The following ZNF484 variants were observed in gnomAD, a reference collection of about 807,000 sequenced individuals.
ZNF484 encodes KRAB box containing C2H2 type zinc finger bA526D8.4.
Under a neutral mutation model 12.9 loss-of-function variants are expected in ZNF484, and 11 were observed. That is an observed-to-expected ratio of 0.85 (90% CI 0.54 to 1.41). The LOEUF (loss-of-function observed/expected upper bound fraction) is 1.41. ZNF484 is among the 40% of genes most tolerant of loss of function. The pLI, the probability that ZNF484 is intolerant of heterozygous loss-of-function variation, is 0.00. For missense variants in ZNF484, 807 were observed against 1,007.7 expected (o/e 0.80, Z 2.70); for synonymous variants, 289 against 334.1 (o/e 0.86, Z 1.47).
At position 92,848,413 on chromosome 9, in the gene ZNF484, G is replaced by C. The variant is rs750956531; in HGVS notation, c.374C>G (p.Thr125Arg). The C allele has an allele frequency of 1.2e-6, 2 of 1,613,958 alleles. No individual in the cohort carries two copies. Among genetic ancestry groups the C allele is most frequent in the Non-Finnish European group, 1.7e-6 (2 of 1,180,010 alleles). ...GTTCTGGTTTTCTCCACATTTTCTTGTGTGTTCATCGTCTTTCCACAATTC... is the reference window on the plus strand; with the variant it reads ...GTTCTGGTTTTCTCCACATTTTCTTCTGTGTTCATCGTCTTTCCACAATTC... Reference protein sequence around the residue: ...LEELWKDDEHTRKCGENQNKP... With the variant: ...LEELWKDDEHRRKCGENQNKP... The change falls in exon 5 of 5, where the codon ACA becomes AGA. Residue 125 changes from threonine (T) to arginine (R), a missense_variant. Coordinates refer to ENST00000375495, the MANE Select transcript of ZNF484 (RefSeq NM_031486.4). The surrounding 1 kb of genome is among the most constrained non-coding windows in gnomAD (Gnocchi z 4.1).
At chr9:92,850,116 A>AAAAAC (rs1855979967) in intron 4 of ZNF484, among the ~76,000 whole-genome samples, 3 of 152,200 alleles carry the variant, frequency 2.0e-5, no homozygotes, top group African/African-American at 7.2e-5. Flanking sequence ...CCTGTCTCTT[A>AAAAAC]AAAACAAAAA....
At chr9:92,877,513 T>C (rs1362853678) in intron 1 of ZNF484, among the ~76,000 whole-genome samples, 1 of 152,136 alleles carries the variant, frequency 6.6e-6, no homozygotes, top group Non-Finnish European at 1.5e-5. Flanking sequence ...ATCATTATAA[T>C]GAAACAGAAA....
rs374561386 is a variant in ZNF484 at position 92,855,947 on chromosome 9, C to T, written c.143-44G>A. On this transcript the variant is annotated intron_variant, in intron 3 of 4. Coordinates refer to ENST00000375495, the MANE Select transcript of ZNF484 (RefSeq NM_031486.4). ...AGAGGACTTGATTTCAGAGGCCATA[C>T]AATGAAGCATTCCATTTTTTTCCCA... is the stretch of plus-strand genomic sequence containing the variant. 6.1e-4 allele frequency: 972 copies of T among 1,596,870 alleles called. 7 individuals are homozygous for T. The Middle Eastern group carries it at 0.01, about 17-fold the overall frequency.
In ZNF484 at chr9:92,855,895, C is replaced by T; in HGVS notation, c.151G>A (p.Val51Ile). The T allele has an allele frequency of 6.2e-7, 1 of 1,614,108 alleles. No homozygotes were observed. Among genetic ancestry groups the T allele is most frequent in the Non-Finnish European group, 8.5e-7 (1 of 1,180,000 alleles). The part of the protein sequence containing the change: ...YFNLISVGCQ[V>I]PKPEVIFSLE... ...CTGAAGATGACTTCTGGTTTGGGAA[C>T]TTGACATCCTGTTAACAGGGGATGA... The change falls in exon 4 of 5, where the codon GTT becomes ATT. Residue 51 changes from valine (V) to isoleucine (I), a missense_variant. By Grantham distance (29) the Val-to-Ile change is conservative. Transcript: ENST00000375495.
Position 92,847,634 on chromosome 9 carries a change from C to A in ZNF484, c.1153G>T (p.Glu385Ter). 1 of 1,613,860 alleles carries A rather than the reference C, an allele frequency of 6.2e-7. No individual in the cohort carries two copies. Among genetic ancestry groups the A allele is most frequent in the South Asian group, 1.1e-5 (1 of 90,996 alleles). ...AAAGCTTTTCCACATTCAGTACATTCAAAGTGTTTCCCTCCAGTATGAATT... is the reference window on the plus strand; with the variant it reads ...AAAGCTTTTCCACATTCAGTACATTAAAAGTGTTTCCCTCCAGTATGAATT... Reference protein sequence around the residue: ...KKIHTGGKHFECTECGKAFTR... With the variant: ...KKIHTGGKHF Residue 385 changes from glutamate to a stop codon, truncating the protein, a stop_gained, in exon 5 of 5, where the codon GAA becomes TAA. Transcript: ENST00000375495. LOFTEE classifies it low-confidence loss of function (END_TRUNC).
chr9:92,854,392 G>A (rs1856303270), intron 4 of ZNF484, among the ~76,000 whole-genome samples: 1 of 152,108 alleles, frequency 6.6e-6, no homozygotes, highest in South Asian at 2.1e-4. Context: ...TATGCCCAAT[G>A]ATAAAGCAAT....
At chr9:92,852,630 G>T (rs1173306310) in intron 4 of ZNF484, among the ~76,000 whole-genome samples, 3 of 145,682 alleles carry the variant, frequency 2.1e-5, no homozygotes, top group Non-Finnish European at 3.0e-5. Flanking sequence ...TCCACCTCCT[G>T]GGATCAAGTG....
rs921912992 is a variant in ZNF484, at chr9:92,849,000, G to A, written c.236-449C>T. Among the ~76,000 whole-genome samples the A allele has an allele frequency of 5.3e-5, 8 of 151,812 alleles. No individual in the cohort carries two copies. The highest frequency in any genetic ancestry group is 1.7e-4 in the African/African-American group (7 of 41,342). On this transcript the variant is annotated intron_variant, in intron 4 of 4. Transcript: ENST00000375495. The surrounding 1 kb of genome is among the most constrained non-coding windows in gnomAD (Gnocchi z 4.1). ...ATTCAGGCCGGGTGTGGTGGCTCAC[G>A]CCTGTAAGCCCAGCACTTTGGGAGG...
chr9:92,854,333 A>C (rs1042501039), intron 4 of ZNF484, among the ~76,000 whole-genome samples: 2 of 152,212 alleles, frequency 1.3e-5, no homozygotes, highest in Non-Finnish European at 2.9e-5. Context: ...AGAGTGACAC[A>C]GCCAATCTGG....
chr9:92,847,789 T>A lies in ZNF484; in HGVS notation c.998A>T (p.Tyr333Phe). The change falls in exon 5 of 5, where the codon TAT becomes TTT. Residue 333 changes from tyrosine (Y) to phenylalanine (F), a missense_variant. Transcript: ENST00000375495. ...YEGNYYKCSD[Y>F]GRAFIQKSDL... is the part of the protein sequence containing the mutation. Reference sequence around the variant, plus strand: ...TGACTTCTGGATAAAGGCTCTTCCATAGTCACTGCATTTATAGTAATTCCC... The same window carrying A: ...TGACTTCTGGATAAAGGCTCTTCCAAAGTCACTGCATTTATAGTAATTCCC... The A allele has an allele frequency of 6.2e-7, 1 of 1,614,040 alleles. No homozygotes were observed. Among genetic ancestry groups the A allele is most frequent in the Non-Finnish European group, 8.5e-7 (1 of 1,180,032 alleles).
chr9:92,846,330 G>A lies in ZNF484; in HGVS notation c.2457C>T (p.Leu819=), dbSNP rs1564094500. Reference sequence around the variant, plus strand: ...CATTGTCAGATTTCTGAGGCATACTGAGTTGTGGCTTCCAGTTTAAGGCTT... The same window carrying A: ...CATTGTCAGATTTCTGAGGCATACTAAGTTGTGGCTTCCAGTTTAAGGCTT... ...LGKALNWKPQ[L]SMPQKSDNGE... is the part of the protein sequence containing the mutation. The change falls in exon 5 of 5, where the codon CTC becomes CTT. Residue 819 remains leucine (L), a synonymous_variant. Transcript: ENST00000375495. The A allele has an allele frequency of 6.2e-7, 1 of 1,614,154 alleles. No individual in the cohort carries two copies. The highest frequency in any genetic ancestry group is 8.5e-7 in the Non-Finnish European group (1 of 1,180,002).
At chr9:92,874,622 C>G (rs1274142572) in intron 2 of ZNF484, among the ~76,000 whole-genome samples, 2 of 152,040 alleles carry the variant, frequency 1.3e-5, no homozygotes, top group Non-Finnish European at 2.9e-5. Context: ...TGTTAGTGCA[C>G]TTTCAGTAGG....
At chr9:92,871,457 T>C (rs1857427406) in intron 2 of ZNF484, among the ~76,000 whole-genome samples, 1 of 152,078 alleles carries the variant, frequency 6.6e-6, no homozygotes, top group South Asian at 2.1e-4. Context: ...CTAACATTTG[T>C]GTCATTGGAG....
At chr9:92,859,484 C>T (rs1271534428) in intron 2 of ZNF484, among the ~76,000 whole-genome samples, 2 of 152,130 alleles carry the variant, frequency 1.3e-5, no homozygotes, top group East Asian at 3.9e-4. Context: ...GAGGAGCTTG[C>T]AACCTGGAAG....
At chr9:92,860,603 C>CAAA (rs66491279) in intron 2 of ZNF484, among the ~76,000 whole-genome samples, 9 of 91,820 alleles carry the variant, frequency 9.8e-5, no homozygotes, top group African/African-American at 2.9e-4. Context: ...GACTCCATCT[C>CAAA]AAAAAAAAAA....
intron 2 of ZNF484, among the ~76,000 whole-genome samples, chr9:92,868,283 A>G (rs1372759040): frequency 2.6e-5 from 4 of 152,282 alleles, no homozygotes; most frequent in Middle Eastern, 3.4e-3. Context: ...TCGGATAGAG[A>G]GTAACTATGA....
At chr9:92,877,849 C>G (rs932617815) in intron 1 of ZNF484, 41 bp downstream of exon 1, 15 of 1,535,094 alleles carry the variant, frequency 9.8e-6, no homozygotes, top group African/African-American at 1.4e-5. Context: ...ATCAGAGATT[C>G]TTCTTGCTCA....
rs374664138 is a variant in ZNF484 at position 92,847,866 on chromosome 9, T to C, written c.921A>G (p.Glu307=). Residue 307 remains glutamate (E), a synonymous_variant, in exon 5 of 5, where the codon GAA becomes GAG. Coordinates refer to ENST00000375495, the MANE Select transcript of ZNF484 (RefSeq NM_031486.4). The stretch of plus-strand genomic sequence containing the variant: ...ACTTGAGGGAAAAATCCTTCTCATA[T>C]TCAGTGCATATTCCTGCATAAACCC... ...SQRVYAGICT[E]YEKDFSLKSN... 9 of 1,614,226 alleles carry C rather than the reference T, an allele frequency of 5.6e-6. No individual in the cohort carries two copies. The highest frequency in any genetic ancestry group is 2.2e-5 in the East Asian group (1 of 44,882).
Position 92,872,231 on chromosome 9 carries a change from C to CAA in ZNF484, c.15+2782_15+2783dup, listed in dbSNP as rs59372760. Among the ~76,000 whole-genome samples, 64 of 45,602 alleles carry CAA rather than the reference C, an allele frequency of 1.4e-3. 4 individuals are homozygous for CAA. Among genetic ancestry groups the CAA allele is most frequent in the Middle Eastern group, 0.017 (1 of 58 alleles). 29.9% of individuals were successfully genotyped at this position (45,602 alleles called of 152,430 possible). On this transcript the variant is annotated intron_variant, in intron 2 of 4. Transcript: ENST00000375495. The stretch of plus-strand genomic sequence containing the variant: ...GGGCAACAAGAGCAAATCTCTGCCT[C>CAA]AAAAAAAAAAAAAAAAAAAAAAAAA...
Sources: allele counts gnomAD v4.1 joint callset (sites outside exome capture counted in the v4.1 genomes callset), GRCh38; gene constraint gnomAD v4.1.1; non-coding constraint Gnocchi (gnomAD v3.1); transcripts MANE v1.5; gene names NCBI Gene and HGNC (gene_info 2026-07-23, HGNC 2026-07-21).